The following ZFR2 variants were observed in gnomAD, a reference collection of about 807,000 sequenced individuals.
ZFR2 encodes the protein zinc finger RNA-binding protein 2.
Under a neutral mutation model 105.7 loss-of-function variants are expected in ZFR2, and 104 were observed. The ratio of observed to expected loss-of-function variants is 0.98; its 90% confidence interval spans 0.84 to 1.16. The LOEUF is 1.16. Ranked by LOEUF, ZFR2 falls within the 50% of genes most tolerant of loss-of-function variation. ZFR2 has a pLI of 0.00. For synonymous variants in ZFR2, 634 were observed against 597.7 expected (o/e 1.06, Z -0.89); for missense variants, 1,425 against 1,355.5 (o/e 1.05, Z -0.80).
intron 3 of ZFR2, among the ~76,000 whole-genome samples, chr19:3,832,613 C>T (rs2038030178): frequency 6.6e-6 from 1 of 151,228 alleles, no homozygotes; most frequent in African/African-American, 2.4e-5. Flanking sequence ...AGCTGCTGCA[C>T]CCGGCCTTTA....
Position 3,806,064 on chromosome 19 carries a change from G to C in ZFR2, c.2705C>G (p.Pro902Arg). The C allele has an allele frequency of 6.5e-7, 1 of 1,532,362 alleles. No homozygotes were observed. Among genetic ancestry groups the C allele is most frequent in the Non-Finnish European group, 8.8e-7 (1 of 1,140,322 alleles). The allele number at this position is 1,532,362 out of a possible 1,614,324, so 94.9% of individuals were successfully genotyped here. ...THKVLGMDLL[P>R]PRHRLGARFR... The stretch of plus-strand genomic sequence containing the variant: ...GCGGGCCCCCAGCCGGTGTCTGGGC[G>C]GCAGGAGATCCATGCCCAGGACCTT... Residue 902 changes from proline (P) to arginine (R), a missense_variant, in exon 19 of 19, where the codon CCG becomes CGG. Pro to Arg is a moderately radical substitution (Grantham distance 103). Transcript: ENST00000262961.
intron 6 of ZFR2, among the ~76,000 whole-genome samples, chr19:3,826,556 C>T (rs910739859): frequency 1.3e-5 from 2 of 152,006 alleles, no homozygotes; most frequent in African/African-American, 4.8e-5. Flanking sequence ...CTGCCTTAGC[C>T]TCCTGAGTAG....
intron 1 of ZFR2, among the ~76,000 whole-genome samples, chr19:3,843,694 G>A (rs2038156507): frequency 1.3e-5 from 2 of 151,852 alleles, no homozygotes; most frequent in African/African-American, 4.8e-5. Context: ...AATTAGCTGG[G>A]CGTGGTGGCG....
In ZFR2 at chr19:3,816,684, C is replaced by T. The variant is rs370710065; in HGVS notation, c.2093G>A (p.Arg698Gln). The T allele has an allele frequency of 1.2e-5, 20 of 1,608,262 alleles. No homozygotes were observed. In the African/African-American group the frequency reaches 1.9e-4, roughly 15 times the overall value. Reference sequence around the variant, plus strand: ...GGGCCCTGACCTTACCTGGAGCTGCCGGGGCAGCTGCTGGGCGATCCTCCG... The same window carrying T: ...GGGCCCTGACCTTACCTGGAGCTGCTGGGGCAGCTGCTGGGCGATCCTCCG... ...LLRRIAQQLPRQLQMVTEDEY... is the reference protein window; with the variant it reads ...LLRRIAQQLPQQLQMVTEDEY... The change falls in exon 13 of 19, where the codon CGG becomes CAG. Residue 698 changes from arginine (R) to glutamine (Q), a missense_variant. Physicochemically the swap from Arg to Gln is conservative, Grantham distance 43 (BLOSUM62 1). Coordinates refer to ENST00000262961, the MANE Select transcript of ZFR2 (RefSeq NM_015174.2).
chr19:3,868,881 A>C (rs1249759650), intron 1 of ZFR2, 84 bp downstream of exon 1: 2 of 1,112,066 alleles, frequency 1.8e-6, no homozygotes, highest in East Asian at 6.6e-5. Flanking sequence ...GGCCGGGCGC[A>C]CGCGGCGGGA....
In ZFR2 at chr19:3,823,367, T is replaced by C; in HGVS notation, c.1250A>G (p.Gln417Arg). The stretch of plus-strand genomic sequence containing the variant: ...TTTAGGTTGGGCTGGTTTCCCCCAC[T>C]GGGGTCTGCAGCCTGCTGCCTGTGG... Reference protein sequence around the residue: ...PEPQAAGCRPQWGKPAQPKLE... With the variant: ...PEPQAAGCRPRWGKPAQPKLE... Residue 417 changes from glutamine to arginine, a missense_variant, in exon 8 of 19, where the codon CAG (glutamine) becomes CGG (arginine). Coordinates refer to ENST00000262961, the MANE Select transcript of ZFR2 (RefSeq NM_015174.2). The surrounding 1 kb of genome is among the most constrained non-coding windows in gnomAD (Gnocchi z 5.4). 6.2e-7 allele frequency: 1 copy of C among 1,613,596 alleles called. No homozygotes were observed. The highest frequency in any genetic ancestry group is 1.3e-5 in the African/African-American group (1 of 75,044).
intron 3 of ZFR2, among the ~76,000 whole-genome samples, chr19:3,832,136 G>C (rs112659388): frequency 0.015 from 2,265 of 152,186 alleles, 54 homozygotes; most frequent in African/African-American, 0.052. Flanking sequence ...TGCATCTCCA[G>C]CTCCATCACC....
intron 13 of ZFR2, among the ~76,000 whole-genome samples, chr19:3,815,484 A>G (rs1296600151): frequency 6.6e-6 from 1 of 152,218 alleles, no homozygotes; most frequent in Non-Finnish European, 1.5e-5. Context: ...TTCAGTTGAC[A>G]TTTCACAGCC....
At chr19:3,812,978 G>T (rs2037783073) in intron 14 of ZFR2, among the ~76,000 whole-genome samples, 2 of 152,204 alleles carry the variant, frequency 1.3e-5, no homozygotes, top group African/African-American at 4.8e-5. Flanking sequence ...CTACTCGGAG[G>T]CTGAGGCAGG....
At chr19:3,851,479 T>A (rs1247080715) in intron 1 of ZFR2, among the ~76,000 whole-genome samples, 1 of 152,206 alleles carries the variant, frequency 6.6e-6, no homozygotes, top group African/African-American at 2.4e-5. Context: ...CACACGTGCA[T>A]GCACACACTG....
At chr19:3,807,019 G>A (rs1056800184) in intron 18 of ZFR2, among the ~76,000 whole-genome samples, 153 bp downstream of exon 18, 10 of 152,220 alleles carry the variant, frequency 6.6e-5, no homozygotes, top group East Asian at 1.9e-4. Flanking sequence ...GTCCCTGTGC[G>A]TGGTCCTGCC....
intron 1 of ZFR2, among the ~76,000 whole-genome samples, chr19:3,840,394 T>C (rs1258432789): frequency 6.6e-6 from 1 of 151,926 alleles, no homozygotes; most frequent in South Asian, 2.1e-4. Flanking sequence ...CCTACCATCA[T>C]GCCGGGCTAA....
Position 3,813,206 on chromosome 19 carries a change from T to A in ZFR2, c.2242+614A>T, listed in dbSNP as rs1279587244. Among the ~76,000 whole-genome samples, 2 of 152,206 alleles carry A rather than the reference T, an allele frequency of 1.3e-5. No homozygotes were observed. The highest frequency in any genetic ancestry group is 6.5e-5 in the Admixed American group (1 of 15,280). On this transcript the variant is annotated intron_variant, in intron 14 of 18. Transcript: ENST00000262961. This position sits in a 1 kb window ranked among gnomAD's most constrained non-coding sequence, Gnocchi z 4.4. ...ATGATAGGAGTTTGGAAAACTGCCC[T>A]AGAGACTGTTCTGGAAGATTCCACA...
At chr19:3,848,284 C>A (rs190687312) in intron 1 of ZFR2, among the ~76,000 whole-genome samples, 3 of 152,066 alleles carry the variant, frequency 2.0e-5, no homozygotes, top group Non-Finnish European at 4.4e-5. Flanking sequence ...TGGTGGCGGG[C>A]GCCCGTAATC....
intron 12 of ZFR2, among the ~76,000 whole-genome samples, chr19:3,817,606 A>AATAATT (rs2037839971): frequency 9.5e-6 from 1 of 105,208 alleles, no homozygotes; most frequent in African/African-American, 3.4e-5. Flanking sequence ...TAATAATAAT[A>AATAATT]ATTAGCTGGG....
chr19:3,842,845 G>A (rs773667321), intron 1 of ZFR2, among the ~76,000 whole-genome samples: 3 of 151,916 alleles, frequency 2.0e-5, no homozygotes, highest in African/African-American at 4.8e-5. Context: ...CGCTGGTCTC[G>A]AACTCCTGAC....
In ZFR2 at chr19:3,823,283, G is replaced by C; in HGVS notation, c.1334C>G (p.Ser445Cys). ...GGSKEAPAGC[S>C]DAQPVGPEYV... Reference sequence around the variant, plus strand: ...TTCCGGGCCCACCGGCTGCGCATCAGAGCAGCCCGCGGGAGCTTCCTTTGA... The same window carrying C: ...TTCCGGGCCCACCGGCTGCGCATCACAGCAGCCCGCGGGAGCTTCCTTTGA... Residue 445 changes from serine to cysteine, a missense_variant, in exon 8 of 19, where the codon TCT becomes TGT. Transcript: ENST00000262961. This position sits in a 1 kb window ranked among gnomAD's most constrained non-coding sequence, Gnocchi z 5.4. The C allele has an allele frequency of 6.2e-7, 1 of 1,614,016 alleles. No homozygotes were observed. Among genetic ancestry groups the C allele is most frequent in the Non-Finnish European group, 8.5e-7 (1 of 1,179,896 alleles).
In ZFR2 at chr19:3,852,527, A is replaced by G. The variant is rs145704535; in HGVS notation, c.53+16438T>C. On this transcript the variant is annotated intron_variant, in intron 1 of 18. Transcript: ENST00000262961. Reference sequence around the variant, plus strand: ...TTAAGCTTGGGCACAGGGCAGTCACAGCGTCACTTCCACTGCAGCCAACTG... The same window carrying G: ...TTAAGCTTGGGCACAGGGCAGTCACGGCGTCACTTCCACTGCAGCCAACTG... 218 of 718,628 alleles carry G rather than the reference A, an allele frequency of 3.0e-4. 3 individuals carry two copies. In the East Asian group the frequency reaches 5.8e-3, roughly 19 times the overall value. 44.5% of individuals were successfully genotyped at this position (718,628 alleles called of 1,614,324 possible). A position where few individuals can be genotyped will look rare whatever the true frequency, so the allele number is the denominator to read the frequency against.
intron 1 of ZFR2, among the ~76,000 whole-genome samples, chr19:3,860,929 A>G (rs761552323): frequency 7.2e-5 from 11 of 152,122 alleles, no homozygotes; most frequent in Non-Finnish European, 1.2e-4. Flanking sequence ...GGTTCTCATG[A>G]GCAACCACAA....
Sources: gnomAD v4.1 joint callset for allele counts (sites outside exome capture counted in the v4.1 genomes callset) on GRCh38, gnomAD v4.1.1 for gene constraint, Gnocchi (gnomAD v3.1) non-coding constraint, MANE v1.5 for transcripts, NCBI Gene and HGNC (gene_info 2026-07-23, HGNC 2026-07-21) for gene names.